The following PDE4A variants were observed in gnomAD, a reference collection of about 807,000 sequenced individuals.
PDE4A encodes the protein phosphodiesterase 4A.
A neutral mutation model predicts 73.9 loss-of-function variants in PDE4A; 21 were observed. That is an observed-to-expected ratio of 0.28 (90% confidence interval 0.20 to 0.41). The LOEUF is 0.41. Ranked by LOEUF, PDE4A falls within the 10% of genes least tolerant of loss-of-function variation. PDE4A has a pLI of 1.00. For synonymous variants in PDE4A, 463 were observed against 505.4 expected, an observed-to-expected ratio of 0.92 and a Z score of 1.13; for missense variants, 958 against 1,211.4, an observed-to-expected ratio of 0.79 and a Z score of 3.10.
chr19:10,466,444 C>CAAAAAA (rs367836712), intron 14 of PDE4A, among the ~76,000 whole-genome samples: 3 of 63,476 alleles, frequency 4.7e-5, no homozygotes, highest in Admixed American at 1.9e-4. Flanking sequence ...GACTCCGTCT[C>CAAAAAA]AAAAAAAAAA....
Position 10,448,778 on chromosome 19 carries a change from C to T in PDE4A, c.513-139C>T, listed in dbSNP as rs938811204. 29 of 1,482,960 alleles carry T rather than the reference C, an allele frequency of 2.0e-5. No individual in the cohort carries two copies. In the African/African-American group the frequency reaches 3.5e-4, roughly 18 times the overall value. 91.9% of individuals were successfully genotyped at this position (1,482,960 alleles called of 1,614,324 possible). A position where few individuals can be genotyped will look rare whatever the true frequency, so the allele number is the denominator to read the frequency against. The stretch of plus-strand genomic sequence containing the variant: ...CCCTGGACACATATCCACCCTTATG[C>T]AGTACAAGTGTTCTTTCCCTAGGTC... On this transcript the variant is annotated intron_variant, in intron 2 of 14. Coordinates refer to ENST00000380702, the MANE Select transcript of PDE4A (RefSeq NM_001111307.2).
chr19:10,460,798 CAAAAA>C (rs34675916), intron 10 of PDE4A: 15 of 103,412 alleles, frequency 1.5e-4, no homozygotes, highest in South Asian at 9.7e-4. Context: ...AACTCTGTCT[CAAAAA>C]AAAAAAAAAA....
At chr19:10,431,098 G>A (rs751333312) in intron 1 of PDE4A, 165 of 1,496,526 alleles carry the variant, frequency 1.1e-4, no homozygotes, top group Admixed American at 7.6e-4. Context: ...TAAGTGCAGC[G>A]CTGGTGGCCG....
At position 10,467,070 on chromosome 19, in the gene PDE4A, C is replaced by T; in HGVS notation, c.2110C>T (p.Pro704Ser). 5 of 1,614,170 alleles carry T rather than the reference C, an allele frequency of 3.1e-6. No individual in the cohort carries two copies. The highest frequency in any genetic ancestry group is 4.2e-6 in the Non-Finnish European group (5 of 1,180,034). Residue 704 changes from proline to serine, a missense_variant, in exon 15 of 15, where the codon CCT becomes TCT. Coordinates refer to ENST00000380702, the MANE Select transcript of PDE4A (RefSeq NM_001111307.2). The stretch of plus-strand genomic sequence containing the variant: ...AAGGGGGCCAGGCCACCCACCCCTG[C>T]CTGACAAGTTCCAGTTTGAGCTGAC... ...ESRGPGHPPL[P>S]DKFQFELTLE...
chr19:10,449,605 C>T (rs1568376349), intron 4 of PDE4A, among the ~76,000 whole-genome samples: 1 of 152,024 alleles, frequency 6.6e-6, no homozygotes, highest in Non-Finnish European at 1.5e-5. Flanking sequence ...GGTGATCCAC[C>T]CGCCTCAGCC....
At chr19:10,460,115 C>A (rs1224425912) in intron 10 of PDE4A, among the ~76,000 whole-genome samples, 1 of 151,870 alleles carries the variant, frequency 6.6e-6, no homozygotes, top group South Asian at 2.1e-4. Context: ...AAACTCCCAA[C>A]CTCGTGATCA....
intron 6 of PDE4A, among the ~76,000 whole-genome samples, chr19:10,451,741 G>T (rs545443429): frequency 6.6e-6 from 1 of 152,236 alleles, no homozygotes; most frequent in South Asian, 2.1e-4. Flanking sequence ...TGTGCAGACG[G>T]TGCACTGCAC....
At chr19:10,440,833 C>G (rs1034866684) in intron 1 of PDE4A, among the ~76,000 whole-genome samples, 3 of 151,376 alleles carry the variant, frequency 2.0e-5, no homozygotes, top group African/African-American at 7.3e-5. Flanking sequence ...CTCCTGACCT[C>G]GTGATCCACC....
chr19:10,461,721 T>C (rs1285857778), intron 12 of PDE4A, 41 bp downstream of exon 12: 3 of 1,608,158 alleles, frequency 1.9e-6, no homozygotes, highest in Non-Finnish European at 2.5e-6. Context: ...AAAGGAAGCC[T>C]AGGAGTCGAG....
chr19:10,465,025 C>G (rs529243186), intron 14 of PDE4A, among the ~76,000 whole-genome samples: 36 of 152,060 alleles, frequency 2.4e-4, no homozygotes, highest in African/African-American at 6.3e-4. Context: ...CCCCTCCCCA[C>G]TTTATATCCT....
intron 12 of PDE4A, 58 bp from the exon 13 acceptor site, chr19:10,461,819 C>T: frequency 6.3e-7 from 1 of 1,591,516 alleles, no homozygotes; most frequent in Non-Finnish European, 8.5e-7. Flanking sequence ...ACTTCAGAGG[C>T]CCGGGTCAGT....
chr19:10,437,023 G>C (rs909870536), intron 1 of PDE4A, among the ~76,000 whole-genome samples: 1 of 152,086 alleles, frequency 6.6e-6, no homozygotes, highest in Non-Finnish European at 1.5e-5. Context: ...GGGTGACAGA[G>C]TGAGACTCCA....
chr19:10,460,035 C>A (rs2043237574), intron 10 of PDE4A, among the ~76,000 whole-genome samples: 1 of 152,092 alleles, frequency 6.6e-6, no homozygotes, highest in Admixed American at 6.6e-5. Flanking sequence ...TGCCCACCAC[C>A]ACGCCTGGCT....
rs112759328 is a variant in PDE4A, at chr19:10,433,194, G to A, written c.320+12110G>A. On this transcript the variant is annotated intron_variant, in intron 1 of 14. Coordinates refer to ENST00000380702, the MANE Select transcript of PDE4A (RefSeq NM_001111307.2). Reference sequence around the variant, plus strand: ...ACAGGGCCGCACACAGGGCAATCCGGGTCACCTGGTGTTTACCGTACTAGG... The same window carrying A: ...ACAGGGCCGCACACAGGGCAATCCGAGTCACCTGGTGTTTACCGTACTAGG... 1.6e-3 allele frequency among the ~76,000 whole-genome samples: 250 copies of A among 151,974 alleles called. 3 individuals carry two copies. The highest frequency in any genetic ancestry group is 5.6e-3 in the African/African-American group (230 of 41,420).
chr19:10,418,985 C>G (rs920276088), upstream of PDE4A: 53 of 981,516 alleles, frequency 5.4e-5, no homozygotes, highest in Non-Finnish European at 6.0e-6. Flanking sequence ...GGTTTTTGCT[C>G]GGCGTTCGCC....
intron 1 of PDE4A, among the ~76,000 whole-genome samples, chr19:10,426,256 T>TGAA (rs1377744592): frequency 6.6e-6 from 1 of 152,190 alleles, no homozygotes; most frequent in Admixed American, 6.6e-5. Flanking sequence ...TCTCCTCATT[T>TGAA]CTAGCAGATT....
At chr19:10,427,510 G>C in intron 1 of PDE4A, 1 of 985,390 alleles carries the variant, frequency 1.0e-6, no homozygotes, top group Non-Finnish European at 1.2e-6. Flanking sequence ...AGACCATTAG[G>C]CCATGATCAA....
At chr19:10,459,221 C>A in intron 8 of PDE4A, 179 bp from the exon 9 acceptor site, 2 of 1,076,420 alleles carry the variant, frequency 1.9e-6, no homozygotes, top group Non-Finnish European at 2.6e-6. Flanking sequence ...GCTGTGATTG[C>A]TTTCGCTATT....
At chr19:10,442,551 G>A (rs2042951870) in intron 1 of PDE4A, among the ~76,000 whole-genome samples, 1 of 151,690 alleles carries the variant, frequency 6.6e-6, no homozygotes, top group African/African-American at 2.4e-5. Context: ...AAACAAAAAT[G>A]TATAAGAAGA....
Sources: allele counts gnomAD v4.1 joint callset (sites outside exome capture counted in the v4.1 genomes callset), GRCh38; gene constraint gnomAD v4.1.1; transcripts MANE v1.5; gene names NCBI Gene and HGNC (gene_info 2026-07-23, HGNC 2026-07-21).